Variants in SFMBT2 observed in about 807,000 individuals in gnomAD.
SFMBT2 encodes Scm like with four mbt domains 2, also known as scm-like with four MBT domains protein 2.
SFMBT2 carries 38 observed loss-of-function variants against 110.1 expected under a neutral mutation model. That is an observed-to-expected ratio of 0.35 (90% CI 0.27 to 0.45). The LOEUF (loss-of-function observed/expected upper bound fraction) is 0.45. Ranked by LOEUF, SFMBT2 falls within the 20% of genes least tolerant of loss-of-function variation. The pLI is 1.00. For missense variants in SFMBT2, 1,011 were observed against 1,094.9 expected (o/e 0.92, Z 1.08); for synonymous variants, 425 against 425.4 (o/e 1.00, Z 0.01).
At chr10:7,225,297 C>T (rs768007800) in intron 10 of SFMBT2, among the ~76,000 whole-genome samples, 14 of 152,126 alleles carry the variant, frequency 9.2e-5, no homozygotes, top group Admixed American at 3.9e-4. Context: ...TTTACTGTGT[C>T]GATTCCTTTC....
chr10:7,180,896 G>A (rs1838224896), intron 16 of SFMBT2, among the ~76,000 whole-genome samples: 2 of 152,054 alleles, frequency 1.3e-5, no homozygotes, highest in Non-Finnish European at 2.9e-5. Context: ...GAAGGAAAAG[G>A]CTAGGATGAA....
chr10:7,246,463 A>C (rs1184855270), intron 8 of SFMBT2, among the ~76,000 whole-genome samples: 1 of 151,930 alleles, frequency 6.6e-6, no homozygotes, highest in Non-Finnish European at 1.5e-5. Context: ...GCTCACGCCT[A>C]TAATCCCAGC....
intron 10 of SFMBT2, among the ~76,000 whole-genome samples, chr10:7,222,602 G>T (rs564472632): frequency 9.5e-4 from 145 of 152,202 alleles, no homozygotes; most frequent in African/African-American, 3.4e-3. Flanking sequence ...ACAGCAGTAA[G>T]AGTGTCCTGA....
chr10:7,207,442 AAAG>A, intron 11 of SFMBT2: 1 of 73,536 alleles, frequency 1.4e-5, no homozygotes, highest in Non-Finnish European at 1.7e-5. Context: ...AGAAAGAAGG[AAAG>A]AAGGAAAGAA....
At position 7,163,928 on chromosome 10, in the gene SFMBT2, C is replaced by T. The variant is rs780231630; in HGVS notation, c.2545-18G>A. 1.2e-6 allele frequency: 2 copies of T among 1,609,456 alleles called. No homozygotes were observed. Among genetic ancestry groups the T allele is most frequent in the East Asian group, 4.5e-5 (2 of 44,784 alleles). ...TCAATATCCTGCAGGAAAAGAAAGG[C>T]AGGTTAGAGAAGGGGCAGTGTGCAC... On this transcript the variant is annotated intron_variant, in intron 20 of 20. Transcript: ENST00000397167. The surrounding 1 kb of genome is among the most constrained non-coding windows in gnomAD (Gnocchi z 4.8).
rs1837908028 is a variant in SFMBT2, at chr10:7,172,408, G to A, written c.2151+87C>T. Reference sequence around the variant, plus strand: ...TGACCATCTTGCCACAATCTCCAGGGCCACCTCTGCTGTGAAGCAGCCACA... The same window carrying A: ...TGACCATCTTGCCACAATCTCCAGGACCACCTCTGCTGTGAAGCAGCCACA... On this transcript the variant is annotated intron_variant, in intron 18 of 20. Transcript: ENST00000397167. This position sits in a 1 kb window ranked among gnomAD's most constrained non-coding sequence, Gnocchi z 4.6. The A allele has an allele frequency of 6.3e-7, 1 of 1,595,016 alleles. No individual in the cohort carries two copies. The highest frequency in any genetic ancestry group is 2.2e-5 in the East Asian group (1 of 44,544).
chr10:7,312,166 T>C (rs1164268878), intron 4 of SFMBT2, among the ~76,000 whole-genome samples: 1 of 152,084 alleles, frequency 6.6e-6, no homozygotes, highest in Non-Finnish European at 1.5e-5. Flanking sequence ...GCATGGCACA[T>C]GTATACATAT....
intron 7 of SFMBT2, among the ~76,000 whole-genome samples, chr10:7,252,106 G>T (rs1246088020): frequency 6.6e-6 from 1 of 152,176 alleles, no homozygotes; most frequent in African/African-American, 2.4e-5. Flanking sequence ...TACATCGCAG[G>T]CCCTCAACCT....
chr10:7,352,821 C>G (rs1443680375), intron 4 of SFMBT2, among the ~76,000 whole-genome samples: 13 of 152,118 alleles, frequency 8.5e-5, no homozygotes, highest in Non-Finnish European at 1.3e-4. Context: ...ACTATCCTGG[C>G]TAACATGGTG....
At chr10:7,278,895 T>C (rs1473200215) in intron 6 of SFMBT2, among the ~76,000 whole-genome samples, 1 of 151,870 alleles carries the variant, frequency 6.6e-6, no homozygotes, top group Admixed American at 6.6e-5. Flanking sequence ...CAGGCCAACA[T>C]GGTGAAACCT....
chr10:7,317,641 CAAAAA>C (rs56181512), intron 4 of SFMBT2, among the ~76,000 whole-genome samples: 1 of 92,848 alleles, frequency 1.1e-5, no homozygotes, highest in Non-Finnish European at 2.0e-5. Flanking sequence ...AACTCCGTCT[CAAAAA>C]AAAAAAAAAA....
chr10:7,230,103 G>A (rs866163593), intron 9 of SFMBT2, among the ~76,000 whole-genome samples: 14 of 152,024 alleles, frequency 9.2e-5, no homozygotes, highest in African/African-American at 9.7e-5. Context: ...AGACTGACCC[G>A]TGACCTTCCC....
At chr10:7,220,671 T>G in intron 10 of SFMBT2, 134 bp from the exon 11 acceptor site, 1 of 883,600 alleles carries the variant, frequency 1.1e-6, no homozygotes, top group Non-Finnish European at 1.8e-6. Flanking sequence ...GTGTTTGTCC[T>G]TCCCACTGTT....
At chr10:7,205,953 GA>G in intron 11 of SFMBT2, 25 bp from the exon 12 acceptor site, 1 of 1,613,274 alleles carries the variant, frequency 6.2e-7, no homozygotes, top group Non-Finnish European at 8.5e-7. Context: ...GTTGAAACAA[GA>G]GGTACAAACA....
rs78635950 is a variant in SFMBT2, at chr10:7,351,999, G to C, written c.436+15650C>G. On this transcript the variant is annotated intron_variant, in intron 4 of 20. Transcript: ENST00000397167. ...TTGTCACGGTGAAGATGAGGACAGT[G>C]TGATGCAAGCAGATGAAGTCGCTTT... Among the ~76,000 whole-genome samples, 960 of 152,234 alleles carry C rather than the reference G, an allele frequency of 6.3e-3. 13 individuals carry two copies. The highest frequency in any genetic ancestry group is 0.022 in the African/African-American group (896 of 41,548).
intron 13 of SFMBT2, among the ~76,000 whole-genome samples, chr10:7,201,245 T>C (rs1838944221): frequency 6.6e-6 from 1 of 152,256 alleles, no homozygotes; most frequent in Non-Finnish European, 1.5e-5. Context: ...TGACGCTACC[T>C]GTGAACTTGT....
At chr10:7,206,927 G>A in intron 11 of SFMBT2, 1 of 985,398 alleles carries the variant, frequency 1.0e-6, no homozygotes, top group Non-Finnish European at 1.2e-6. Context: ...TGAGAACCAA[G>A]ATGAAGATAA....
chr10:7,345,314 A>G (rs1844074503), intron 4 of SFMBT2, among the ~76,000 whole-genome samples: 1 of 152,234 alleles, frequency 6.6e-6, no homozygotes. Flanking sequence ...TCCTACAGAA[A>G]TAAGAAAATT....
At chr10:7,252,848 C>T (rs546808407) in intron 7 of SFMBT2, among the ~76,000 whole-genome samples, 6 of 152,224 alleles carry the variant, frequency 3.9e-5, no homozygotes, top group African/African-American at 1.4e-4. Context: ...CTAATGGGTC[C>T]ATTCTTGATG....
Sources: gnomAD v4.1 joint callset for allele counts (sites outside exome capture counted in the v4.1 genomes callset) on GRCh38, gnomAD v4.1.1 for gene constraint, Gnocchi (gnomAD v3.1) non-coding constraint, MANE v1.5 for transcripts, NCBI Gene and HGNC (gene_info 2026-07-23, HGNC 2026-07-21) for gene names.